Variants in PODN observed in about 807,000 individuals in gnomAD.
PODN encodes the protein podocan proteoglycan.
A neutral mutation model predicts 52.7 loss-of-function variants in PODN; 40 were observed. The observed-to-expected ratio is 0.76, with a 90% CI of 0.59 to 0.99. The LOEUF (loss-of-function observed/expected upper bound fraction) is 0.99, where lower values mean the gene tolerates loss of function less well. Ranked by LOEUF, PODN falls within the 50% of genes least tolerant of loss-of-function variation. The probability of loss-of-function intolerance (pLI) is 0.00; values close to 1 mark genes in which losing one functional copy is unlikely to be tolerated. For synonymous variants in PODN, 396 were observed against 377.9 expected (o/e 1.05, Z -0.56); for missense variants, 720 against 815.1 (o/e 0.88, Z 1.42).
In PODN at chr1:53,078,840, A is replaced by G; in HGVS notation, c.1330A>G (p.Thr444Ala). 2 of 1,612,718 alleles carry G rather than the reference A, an allele frequency of 1.2e-6. No homozygotes were observed. Among genetic ancestry groups the G allele is most frequent in the Non-Finnish European group, 1.7e-6 (2 of 1,179,668 alleles). Residue 444 changes from threonine (T) to alanine (A), a missense_variant, in exon 8 of 11, where the codon ACG becomes GCG. By Grantham distance (58) the Thr-to-Ala change is moderately conservative (BLOSUM62 0). Transcript: ENST00000312553. ...SLDLSGNRLH[T>A]LPPGLPRNVH... Reference sequence around the variant, plus strand: ...GGACCTGTCGGGCAACCGGCTGCACACGCTGCCACCTGGGCTGCCTCGAAA... The same window carrying G: ...GGACCTGTCGGGCAACCGGCTGCACGCGCTGCCACCTGGGCTGCCTCGAAA...
chr1:53,074,608 C>T lies in PODN; in HGVS notation c.409C>T (p.Leu137Phe). 1.9e-6 allele frequency: 3 copies of T among 1,614,034 alleles called. No homozygotes were observed. Among genetic ancestry groups the T allele is most frequent in the Non-Finnish European group, 8.5e-7 (1 of 1,180,022 alleles). ...TGACCGATGCCTGTCCTTTGAAGGGCTCCCAGAGAAGGCGTTTGAGCATCT... is the reference window on the plus strand; with the variant it reads ...TGACCGATGCCTGTCCTTTGAAGGGTTCCCAGAGAAGGCGTTTGAGCATCT... Reference protein sequence around the residue: ...LQNNRLTSRGLPEKAFEHLTN... With the variant: ...LQNNRLTSRGFPEKAFEHLTN... The change falls in exon 4 of 11, where the codon CTC becomes TTC. Residue 137 changes from leucine to phenylalanine, a missense_variant and splice_region_variant. By Grantham distance (22) the Leu-to-Phe change is conservative (BLOSUM62 0). Transcript: ENST00000312553.
chr1:53,075,927 C>T lies in PODN; in HGVS notation c.537C>T (p.Leu179=), dbSNP rs531527487. The T allele has an allele frequency of 5.4e-5, 87 of 1,605,490 alleles. 1 individual carries two copies. The South Asian group carries it at 9.4e-4, about 17-fold the overall frequency. The part of the protein sequence containing the change: ...LISVDFAANY[L]TKIYGLTFGQ... ...GTGTGGACTTTGCTGCCAACTATCTCACCAAGATCTATGGGCTCACCTTTG... is the reference window on the plus strand; with the variant it reads ...GTGTGGACTTTGCTGCCAACTATCTTACCAAGATCTATGGGCTCACCTTTG... Residue 179 remains leucine, a synonymous_variant, in exon 5 of 11, where the codon CTC becomes CTT. Transcript: ENST00000312553.
intron 1 of PODN, 132 bp from the exon 2 acceptor site, chr1:53,069,669 G>T: frequency 7.6e-7 from 1 of 1,311,632 alleles, no homozygotes. Flanking sequence ...GGTGGGGGTT[G>T]GGCAGGTGCG....
rs1644188367 is a variant in PODN, at chr1:53,075,963, A to C, written c.573A>C (p.Pro191=). 6.3e-7 allele frequency: 1 copy of C among 1,588,922 alleles called. No homozygotes were observed. The highest frequency in any genetic ancestry group is 1.7e-5 in the Admixed American group (1 of 57,620). ...ATGGGCTCACCTTTGGCCAGAAGCC[A>C]AACTTGAGGTCAGAGGTCGGGGGTG... ...KIYGLTFGQK[P]NLRSVYLHNN... is the part of the protein sequence containing the mutation. Residue 191 remains proline, a synonymous_variant, in exon 5 of 11, where the codon CCA becomes CCC. Coordinates refer to ENST00000312553, the MANE Select transcript of PODN (RefSeq NM_153703.5).
chr1:53,081,520 C>G (rs1314319213), intron 9 of PODN, among the ~76,000 whole-genome samples: 1 of 152,188 alleles, frequency 6.6e-6, no homozygotes, highest in African/African-American at 2.4e-5. Flanking sequence ...AGTGAGGGGC[C>G]TGAGATCAGA....
In PODN at chr1:53,077,707, C is replaced by T. The variant is rs1644216619; in HGVS notation, c.761C>T (p.Pro254Leu). The change falls in exon 7 of 11, where the codon CCC becomes CTC. Residue 254 changes from proline (P) to leucine (L), a missense_variant. Physicochemically the swap from Pro to Leu is moderately conservative, Grantham distance 98 (BLOSUM62 -3). Transcript: ENST00000312553. ...CAGAACAACAAGCTGGAGAAGATCC[C>T]CCCGGGGGCCTTCAGCGAGCTGAGC... ...HLKNNKLEKI[P>L]PGAFSELSSL... The T allele has an allele frequency of 1.9e-6, 3 of 1,613,594 alleles. No homozygotes were observed. The highest frequency in any genetic ancestry group is 2.5e-6 in the Non-Finnish European group (3 of 1,179,912).
rs1223201318 is a variant in PODN, at chr1:53,078,399, A to G, written c.889A>G (p.Ser297Gly). ...CAGCCTGGAGTACCTGGATCTGTCC[A>G]GCAACAACCTGTCTCGGGTCCCAGC... is the stretch of plus-strand genomic sequence containing the variant. ...LSSLEYLDLS[S>G]NNLSRVPAGL... The change falls in exon 8 of 11, where the codon AGC becomes GGC. Residue 297 changes from serine (S) to glycine (G), a missense_variant. Physicochemically the swap from Ser to Gly is moderately conservative, Grantham distance 56 (BLOSUM62 0). Transcript: ENST00000312553. 8.1e-6 allele frequency: 13 copies of G among 1,613,528 alleles called. No homozygotes were observed. The highest frequency in any genetic ancestry group is 1.1e-5 in the Non-Finnish European group (13 of 1,180,004).
In PODN at chr1:53,082,207, G is replaced by A. The variant is rs527511737; in HGVS notation, c.*27+19G>A. 5.3e-6 allele frequency: 8 copies of A among 1,518,520 alleles called. No homozygotes were observed. Among genetic ancestry groups the A allele is most frequent in the Non-Finnish European group, 7.1e-6 (8 of 1,132,860 alleles). 94.1% of individuals were successfully genotyped at this position (1,518,520 alleles called of 1,614,324 possible). A position where few individuals can be genotyped will look rare whatever the true frequency, so the allele number is the denominator to read the frequency against. The stretch of plus-strand genomic sequence containing the variant: ...GACCTAGGTATGTGGCCTGTATGGG[G>A]CAGCACTCACTTCTGCTCCCTGCAT... On this transcript the variant is annotated intron_variant, in intron 10 of 10. Transcript: ENST00000312553.
intron 4 of PODN, among the ~76,000 whole-genome samples, chr1:53,075,492 C>T (rs1408227224): frequency 6.6e-6 from 1 of 152,236 alleles, no homozygotes; most frequent in Admixed American, 6.5e-5. Context: ...TGCCTCCTCA[C>T]TTGCCCCCCA....
intron 1 of PODN, chr1:53,063,361 G>T (rs1643987419): frequency 1.0e-6 from 1 of 985,882 alleles, no homozygotes; most frequent in Middle Eastern, 5.2e-4. Context: ...TCGATTACCG[G>T]CTGGCCAGGG....
chr1:53,063,319 C>A (rs1337035974), intron 1 of PODN: 9 of 976,578 alleles, frequency 9.2e-6, no homozygotes, highest in East Asian at 1.1e-4. Flanking sequence ...GCTCACCCAG[C>A]GCTTGGAGTG....
chr1:53,076,371 C>A (rs1221723012), intron 5 of PODN, among the ~76,000 whole-genome samples: 1 of 152,184 alleles, frequency 6.6e-6, no homozygotes, highest in Non-Finnish European at 1.5e-5. Context: ...GGGGGCTGGA[C>A]AACCCCAGTG....
chr1:53,071,425 T>C (rs756749244), intron 2 of PODN, 110 bp from the exon 3 acceptor site: 2 of 910,782 alleles, frequency 2.2e-6, no homozygotes, highest in Non-Finnish European at 3.3e-6. Flanking sequence ...CCAAGGGAGG[T>C]GCCCAGCAGG....
rs948542577 is a variant in PODN, at chr1:53,074,805, G to T, written c.471+135G>T. ...TTGTTGCTGCTCAGACATGGCCCTG[G>T]GTCGGGGGTGGGGGAGACACGGACC... On this transcript the variant is annotated intron_variant, in intron 4 of 10. Coordinates refer to ENST00000312553, the MANE Select transcript of PODN (RefSeq NM_153703.5). 1.1e-5 allele frequency: 7 copies of T among 634,938 alleles called. 2 individuals are homozygous for T. The highest frequency in any genetic ancestry group is 9.5e-5 in the Admixed American group (4 of 42,022). 39.3% of individuals were successfully genotyped at this position (634,938 alleles called of 1,614,324 possible). A position where few individuals can be genotyped will look rare whatever the true frequency, so the allele number is the denominator to read the frequency against.
chr1:53,075,825 T>G, intron 4 of PODN, 37 bp from the exon 5 acceptor site: 1 of 1,536,646 alleles, frequency 6.5e-7, no homozygotes, highest in South Asian at 1.2e-5. Flanking sequence ...CCTCTGCTCC[T>G]CCATTGCTCT....
intron 9 of PODN, 113 bp downstream of exon 9, chr1:53,080,989 G>T: frequency 7.2e-7 from 1 of 1,392,458 alleles, no homozygotes; most frequent in Non-Finnish European, 9.8e-7. Flanking sequence ...GTGTAACCAC[G>T]GCTCAGATCT....
chr1:53,080,659 G>A (rs529321154), intron 8 of PODN, 69 bp from the exon 9 acceptor site: 3 of 1,523,278 alleles, frequency 2.0e-6, no homozygotes, highest in African/African-American at 2.7e-5. Context: ...GGGGCTTGGT[G>A]GGAGTTTTGT....
At chr1:53,082,429 CG>C (rs1459344135) in intron 10 of PODN, among the ~76,000 whole-genome samples, 1 of 152,070 alleles carries the variant, frequency 6.6e-6, no homozygotes, top group Non-Finnish European at 1.5e-5. Flanking sequence ...CGGGAGTGAC[CG>C]GGGGGCACTG....
chr1:53,071,325 C>T (rs1323745691), intron 2 of PODN: 7 of 554,688 alleles, frequency 1.3e-5, no homozygotes, highest in Non-Finnish European at 2.3e-5. Flanking sequence ...AGGACCCACA[C>T]TCCTGTTGTG....
Sources: gnomAD v4.1 joint callset for allele counts (sites outside exome capture counted in the v4.1 genomes callset) on GRCh38, gnomAD v4.1.1 for gene constraint, MANE v1.5 for transcripts, NCBI Gene and HGNC (gene_info 2026-07-23, HGNC 2026-07-21) for gene names.